SHOC2: variants seen among roughly 807,000 people sequenced by gnomAD.
SHOC2 encodes the protein SHOC2 leucine rich repeat scaffold protein, also known as leucine-rich repeat protein SHOC-2.
SHOC2 carries 4 observed loss-of-function variants against 50.2 expected under a neutral mutation model. The observed-to-expected ratio is 0.08, with a 90% CI of 0.04 to 0.18. The LOEUF (loss-of-function observed/expected upper bound fraction) is 0.18, where lower values mean the gene tolerates loss of function less well. Ranked by LOEUF, SHOC2 falls within the 10% of genes least tolerant of loss-of-function variation. The pLI is 1.00. For synonymous variants in SHOC2, 218 were observed against 244.5 expected, an observed-to-expected ratio of 0.89 and a Z score of 1.01; for missense variants, 388 against 669.6, an observed-to-expected ratio of 0.58 and a Z score of 4.64.
chr10:110,924,963 C>T (rs761475225), intron 1 of SHOC2, among the ~76,000 whole-genome samples: 2 of 147,874 alleles, frequency 1.4e-5, no homozygotes, highest in Non-Finnish European at 3.0e-5. Context: ...CCCAGCTACT[C>T]GGGAGGCTGA....
intron 1 of SHOC2, among the ~76,000 whole-genome samples, chr10:110,926,641 T>C (rs1475940968): frequency 6.6e-6 from 1 of 152,214 alleles, no homozygotes; most frequent in East Asian, 1.9e-4. Context: ...ATGCGTAGAA[T>C]CTTTCAAGAC....
At chr10:110,958,490 G>A (rs1443863482) in intron 1 of SHOC2, among the ~76,000 whole-genome samples, 2 of 152,038 alleles carry the variant, frequency 1.3e-5, no homozygotes, top group Non-Finnish European at 2.9e-5. Flanking sequence ...AGGATTACAG[G>A]CGTGAGCCAC....
In SHOC2 at chr10:111,012,007, A is replaced by G; in HGVS notation, c.*189A>G. The stretch of plus-strand genomic sequence containing the variant: ...TAAATTCTGTACAAAAGGCTTATAT[A>G]AGTTTTCTTTGCTGAATTTGATGGA... On this transcript the variant is annotated 3_prime_UTR_variant, in exon 9 of 9. Transcript: ENST00000369452. The G allele has an allele frequency of 1.7e-6, 1 of 592,604 alleles. No individual in the cohort carries two copies. The highest frequency in any genetic ancestry group is 2.1e-5 in the South Asian group (1 of 47,968). The allele number at this position is 592,604 out of a possible 1,614,324, so 36.7% of individuals were successfully genotyped here.
At chr10:110,957,283 C>A (rs1847482753) in intron 1 of SHOC2, among the ~76,000 whole-genome samples, 1 of 152,132 alleles carries the variant, frequency 6.6e-6, no homozygotes, top group Admixed American at 6.5e-5. Flanking sequence ...CTCAGTGACT[C>A]CAATATGTGC....
chr10:110,985,523 C>A, intron 2 of SHOC2, 105 bp from the exon 3 acceptor site: 6 of 838,478 alleles, frequency 7.2e-6, no homozygotes, highest in Non-Finnish European at 9.6e-6. Flanking sequence ...TTATGTTTCC[C>A]GTTGTTTGTG....
At chr10:110,985,484 T>G in intron 2 of SHOC2, 144 bp from the exon 3 acceptor site, 1 of 564,190 alleles carries the variant, frequency 1.8e-6, no homozygotes, top group South Asian at 2.9e-5. Context: ...ATTTAAAATT[T>G]TAAAATAAAA....
intron 4 of SHOC2, 150 bp downstream of exon 4, chr10:111,000,695 G>A (rs1848355893): frequency 7.1e-6 from 5 of 699,718 alleles, no homozygotes; most frequent in Non-Finnish European, 1.2e-5. Flanking sequence ...CACCGCTGAA[G>A]TAACTCCAAA....
chr10:110,934,177 A>T (rs962256165), intron 1 of SHOC2, among the ~76,000 whole-genome samples: 1 of 152,218 alleles, frequency 6.6e-6, no homozygotes, highest in African/African-American at 2.4e-5. Flanking sequence ...TTTAAAATGC[A>T]TATTAGTTTG....
chr10:110,935,825 T>G (rs1292397332), intron 1 of SHOC2, among the ~76,000 whole-genome samples: 1 of 152,174 alleles, frequency 6.6e-6, no homozygotes, highest in Non-Finnish European at 1.5e-5. Flanking sequence ...CTCTCTCACG[T>G]TTTGTTGGTT....
At chr10:110,924,696 A>G (rs1172290520) in intron 1 of SHOC2, among the ~76,000 whole-genome samples, 1 of 152,148 alleles carries the variant, frequency 6.6e-6, no homozygotes, top group Non-Finnish European at 1.5e-5. Context: ...TTTCATTACT[A>G]TTTTAATTAA....
chr10:110,940,910 G>GTTTTTTTTTTTTTTTTTTTTTTTT (rs539552844), intron 1 of SHOC2, among the ~76,000 whole-genome samples: 5 of 119,482 alleles, frequency 4.2e-5, no homozygotes, highest in East Asian at 2.5e-4. Flanking sequence ...TTTGTGGTGG[G>GTTTTTTTTTTTTTTTTTTTTTTTT]TTTTTTTTTT....
intron 1 of SHOC2, among the ~76,000 whole-genome samples, chr10:110,960,829 C>T (rs930910692): frequency 1.3e-5 from 2 of 152,146 alleles, no homozygotes; most frequent in Non-Finnish European, 2.9e-5. Flanking sequence ...GCGCCCGCCA[C>T]CACGCCCGGC....
intron 3 of SHOC2, 67 bp from the exon 4 acceptor site, chr10:111,000,348 C>T (rs1848346823): frequency 6.7e-7 from 1 of 1,490,442 alleles, no homozygotes; most frequent in Non-Finnish European, 9.3e-7. Flanking sequence ...TAGTAGATAG[C>T]CTGTGACAGT....
At chr10:111,008,103 A>C (rs1053235572) in intron 6 of SHOC2, among the ~76,000 whole-genome samples, 8 of 147,154 alleles carry the variant, frequency 5.4e-5, no homozygotes, top group Non-Finnish European at 6.0e-5. Flanking sequence ...TGGTATGCCT[A>C]TTTCTAGCCC....
chr10:110,985,885 T>TA, intron 3 of SHOC2, 120 bp downstream of exon 3: 1 of 826,262 alleles, frequency 1.2e-6, no homozygotes, highest in Non-Finnish European at 2.0e-6. Context: ...ACCAAAGTTG[T>TA]AAAACTTTTA....
At chr10:110,948,815 CA>C (rs534683668) in intron 1 of SHOC2, among the ~76,000 whole-genome samples, 56 of 152,298 alleles carry the variant, frequency 3.7e-4, no homozygotes, top group African/African-American at 1.3e-3. Context: ...CTTTGTATCT[CA>C]AAGGACTAGA....
chr10:111,011,936 ATG>A lies in SHOC2; in HGVS notation c.*122_*123del. ...ATGGCAGATTTATAAAAATTGCATTATGTGTTTCTGCTAATAGAGGAATCATA... is the reference window on the plus strand; with the variant it reads ...ATGGCAGATTTATAAAAATTGCATTATGTTTCTGCTAATAGAGGAATCATA... On this transcript the variant is annotated 3_prime_UTR_variant, in exon 9 of 9. Coordinates refer to ENST00000369452, the MANE Select transcript of SHOC2 (RefSeq NM_007373.4). The A allele has an allele frequency of 1.2e-6, 1 of 853,480 alleles. No homozygotes were observed. The highest frequency in any genetic ancestry group is 1.5e-5 in the South Asian group (1 of 67,238). 52.9% of individuals were successfully genotyped at this position (853,480 alleles called of 1,614,324 possible). A position where few individuals can be genotyped will look rare whatever the true frequency, so the allele number is the denominator to read the frequency against.
At chr10:111,000,936 A>G (rs567135711) in intron 4 of SHOC2, among the ~76,000 whole-genome samples, 4 of 152,288 alleles carry the variant, frequency 2.6e-5, no homozygotes, top group Admixed American at 1.3e-4. Flanking sequence ...AAGAAAGATG[A>G]TAAGTGATAC....
At chr10:110,940,410 G>A (rs1261958747) in intron 1 of SHOC2, among the ~76,000 whole-genome samples, 1 of 152,078 alleles carries the variant, frequency 6.6e-6, no homozygotes, top group Non-Finnish European at 1.5e-5. Context: ...TAGGAAGAAG[G>A]CACATCTTTA....
Sources: allele counts gnomAD v4.1 joint callset (sites outside exome capture counted in the v4.1 genomes callset), GRCh38; gene constraint gnomAD v4.1.1; transcripts MANE v1.5; gene names NCBI Gene and HGNC (gene_info 2026-07-23, HGNC 2026-07-21).